KCNH8: variants seen among roughly 807,000 people sequenced by gnomAD.
KCNH8 encodes the protein voltage-gated delayed rectifier potassium channel KCNH8.
A neutral mutation model predicts 103.6 loss-of-function variants in KCNH8; 70 were observed. That is an observed-to-expected ratio of 0.68 (90% CI 0.56 to 0.82). KCNH8 has a LOEUF of 0.82. Among genes scored for constraint, KCNH8 ranks in the 40% least tolerant of loss-of-function variants. The probability of loss-of-function intolerance (pLI) is 0.00; values close to 1 mark genes in which losing one functional copy is unlikely to be tolerated. For missense variants in KCNH8, 1,217 were observed against 1,329.9 expected, an observed-to-expected ratio of 0.92 and a Z score of 1.32; for synonymous variants, 498 against 489.4, an observed-to-expected ratio of 1.02 and a Z score of -0.23.
chr3:19,417,150 G>GAT (rs978584961), intron 7 of KCNH8, among the ~76,000 whole-genome samples: 2 of 148,138 alleles, frequency 1.4e-5, no homozygotes, highest in East Asian at 2.0e-4. Context: ...ATATTTGGAA[G>GAT]ATATATATAT....
chr3:19,163,747 C>T (rs548911995), intron 1 of KCNH8, among the ~76,000 whole-genome samples: 1 of 152,138 alleles, frequency 6.6e-6, no homozygotes, highest in Non-Finnish European at 1.5e-5. Context: ...ACAAGACTGA[C>T]CCCTCCTCTT....
chr3:19,369,228 T>C (rs888525436), intron 5 of KCNH8, among the ~76,000 whole-genome samples: 8 of 152,134 alleles, frequency 5.3e-5, no homozygotes, highest in African/African-American at 1.9e-4. Flanking sequence ...ACTTGTAGAC[T>C]GTAGCCTCTT....
At chr3:19,451,432 A>G in intron 10 of KCNH8, 28 bp downstream of exon 10, 1 of 1,605,482 alleles carries the variant, frequency 6.2e-7, no homozygotes, top group East Asian at 2.2e-5. Flanking sequence ...AACTTGTATG[A>G]AATTTGACTC....
intron 7 of KCNH8, among the ~76,000 whole-genome samples, chr3:19,399,200 A>G (rs1056359594): frequency 6.6e-6 from 1 of 151,956 alleles, no homozygotes; most frequent in Non-Finnish European, 1.5e-5. Context: ...ACTGAATCAG[A>G]GAGTGCTTTT....
At chr3:19,326,477 G>A (rs1385150643) in intron 3 of KCNH8, among the ~76,000 whole-genome samples, 2 of 151,158 alleles carry the variant, frequency 1.3e-5, no homozygotes, top group Admixed American at 1.3e-4. Flanking sequence ...AGTGTCTCTG[G>A]TACTTTTTAA....
chr3:19,453,915 A>G (rs1472792472), intron 10 of KCNH8, among the ~76,000 whole-genome samples: 4 of 152,142 alleles, frequency 2.6e-5, no homozygotes, highest in Admixed American at 2.0e-4. Context: ...GAATGATGAA[A>G]GACCCATATG....
chr3:19,426,693 G>A (rs1039582126), intron 7 of KCNH8, among the ~76,000 whole-genome samples: 1 of 151,836 alleles, frequency 6.6e-6, no homozygotes, highest in Non-Finnish European at 1.5e-5. Context: ...GATATGATAC[G>A]GTCTTAAACA....
At chr3:19,467,903 C>T (rs2067775710) in intron 11 of KCNH8, among the ~76,000 whole-genome samples, 1 of 152,128 alleles carries the variant, frequency 6.6e-6, no homozygotes, top group African/African-American at 2.4e-5. Flanking sequence ...CTCCAGCAAA[C>T]TGGCCTGCTT....
chr3:19,230,622 T>A (rs1322828436), intron 1 of KCNH8, among the ~76,000 whole-genome samples: 1 of 152,228 alleles, frequency 6.6e-6, no homozygotes, highest in Non-Finnish European at 1.5e-5. Flanking sequence ...TAAAAAACTT[T>A]GAAATAGGTA....
chr3:19,377,628 A>T (rs189232345), intron 5 of KCNH8, among the ~76,000 whole-genome samples: 1 of 152,202 alleles, frequency 6.6e-6, no homozygotes, highest in African/African-American at 2.4e-5. Flanking sequence ...AAGAGGTTCA[A>T]TGCCCAGGAG....
chr3:19,218,097 T>C (rs2063834918), intron 1 of KCNH8, among the ~76,000 whole-genome samples: 1 of 152,200 alleles, frequency 6.6e-6, no homozygotes, highest in Admixed American at 6.5e-5. Context: ...TTCTTAGTAA[T>C]TCAAAGTAAT....
At chr3:19,287,585 T>TTGC (rs1251877900) in intron 3 of KCNH8, among the ~76,000 whole-genome samples, 1 of 152,004 alleles carries the variant, frequency 6.6e-6, no homozygotes, top group African/African-American at 2.4e-5. Context: ...GTTGTTGTTG[T>TTGC]TGTTGTTGTT....
intron 1 of KCNH8, among the ~76,000 whole-genome samples, chr3:19,212,996 G>T (rs1423250588): frequency 6.6e-6 from 1 of 152,112 alleles, no homozygotes; most frequent in Non-Finnish European, 1.5e-5. Flanking sequence ...AAGCCACAGA[G>T]CAAGTTTAGG....
chr3:19,461,485 TCA>T (rs924653404), intron 11 of KCNH8, among the ~76,000 whole-genome samples: 22 of 152,282 alleles, frequency 1.4e-4, no homozygotes, highest in African/African-American at 4.8e-4. Flanking sequence ...TCCTTGATTT[TCA>T]CAGACAAAAC....
At chr3:19,410,445 A>G (rs1273966140) in intron 7 of KCNH8, among the ~76,000 whole-genome samples, 4 of 152,172 alleles carry the variant, frequency 2.6e-5, no homozygotes, top group African/African-American at 9.6e-5. Context: ...AAAGTTAAAA[A>G]TATCTCATTT....
intron 11 of KCNH8, among the ~76,000 whole-genome samples, chr3:19,500,147 T>C (rs1434886443): frequency 6.6e-6 from 1 of 152,118 alleles, no homozygotes; most frequent in African/African-American, 2.4e-5. Flanking sequence ...TCCTAGTCTC[T>C]GATAAAACAG....
chr3:19,333,294 G>T (rs2065536287), intron 3 of KCNH8, among the ~76,000 whole-genome samples: 1 of 152,128 alleles, frequency 6.6e-6, no homozygotes, highest in South Asian at 2.1e-4. Context: ...TTCCCAGTAT[G>T]TAATTTGTAC....
At chr3:19,239,742 T>C (rs2064114662) in intron 1 of KCNH8, among the ~76,000 whole-genome samples, 1 of 152,124 alleles carries the variant, frequency 6.6e-6, no homozygotes, top group South Asian at 2.1e-4. Flanking sequence ...TGCTTTATAA[T>C]GTGGCTACCT....
chr3:19,513,246 C>A lies in KCNH8; in HGVS notation c.2356C>A (p.His786Asn). 1 of 1,613,794 alleles carries A rather than the reference C, an allele frequency of 6.2e-7. No homozygotes were observed. Among genetic ancestry groups the A allele is most frequent in the Non-Finnish European group, 8.5e-7 (1 of 1,179,928 alleles). Residue 786 changes from histidine (H) to asparagine (N), a missense_variant, in exon 13 of 16, where the codon CAT becomes AAT. By Grantham distance (68) the His-to-Asn change is moderately conservative. Transcript: ENST00000328405. ...CAAGCAGGAAATTGACCCCCCCAAC[C>A]ATAATAAAAGGAAAGAGAAGAACTT... Reference protein sequence around the residue: ...KTKQEIDPPNHNKRKEKNLKL... With the variant: ...KTKQEIDPPNNNKRKEKNLKL...
Sources: gnomAD v4.1 joint callset for allele counts (sites outside exome capture counted in the v4.1 genomes callset) on GRCh38, gnomAD v4.1.1 for gene constraint, MANE v1.5 for transcripts, NCBI Gene and HGNC (gene_info 2026-07-23, HGNC 2026-07-21) for gene names.